The following UVRAG variants were observed in gnomAD, a reference collection of about 807,000 sequenced individuals.
The protein encoded by UVRAG is UV radiation resistance associated.
A neutral mutation model predicts 78.0 loss-of-function variants in UVRAG; 19 were observed. The observed-to-expected ratio is 0.24, with a 90% CI of 0.17 to 0.36. The LOEUF is 0.36. Ranked by LOEUF, UVRAG falls within the 10% of genes least tolerant of loss-of-function variation. UVRAG has a pLI of 1.00. For synonymous variants in UVRAG, 323 were observed against 324.6 expected, an observed-to-expected ratio of 1.00 and a Z score of 0.05; for missense variants, 740 against 853.8, an observed-to-expected ratio of 0.87 and a Z score of 1.66.
At chr11:75,916,932 A>G (rs1218217544) in intron 6 of UVRAG, 1 of 152,212 alleles carries the variant, frequency 6.6e-6, no homozygotes, top group Non-Finnish European at 1.5e-5. Context: ...AGTCTGAAAA[A>G]TACCTCAAGC....
intron 7 of UVRAG, among the ~76,000 whole-genome samples, chr11:75,976,903 T>A (rs1322516956): frequency 6.6e-6 from 1 of 152,234 alleles, no homozygotes; most frequent in African/African-American, 2.4e-5. Flanking sequence ...TTTCTTGCCT[T>A]CTGCTAGCTT....
chr11:75,924,755 T>C (rs1948057846), intron 6 of UVRAG, among the ~76,000 whole-genome samples: 2 of 152,326 alleles, frequency 1.3e-5, no homozygotes, highest in South Asian at 4.1e-4. Flanking sequence ...GACTTACTGA[T>C]AGATCTCATA....
chr11:75,953,911 A>G (rs1948748866), intron 6 of UVRAG, among the ~76,000 whole-genome samples: 1 of 152,152 alleles, frequency 6.6e-6, no homozygotes, highest in Non-Finnish European at 1.5e-5. Context: ...CCACTCACCC[A>G]TATTACTACA....
intron 1 of UVRAG, among the ~76,000 whole-genome samples, chr11:75,818,214 G>A (rs754128238): frequency 1.3e-5 from 2 of 151,880 alleles, no homozygotes; most frequent in African/African-American, 2.4e-5. Context: ...ATCAGTTTTT[G>A]CCTGTTCTTG....
At chr11:75,958,639 G>A (rs184145774) in intron 6 of UVRAG, among the ~76,000 whole-genome samples, 14 of 152,204 alleles carry the variant, frequency 9.2e-5, no homozygotes, top group African/African-American at 3.4e-4. Flanking sequence ...GTTGGAATCA[G>A]CTTCTTCCAA....
intron 1 of UVRAG, among the ~76,000 whole-genome samples, chr11:75,837,932 C>T (rs1224255919): frequency 6.6e-6 from 1 of 152,176 alleles, no homozygotes; most frequent in Non-Finnish European, 1.5e-5. Context: ...AGGAGGGTTG[C>T]TTGAGCCTGA....
intron 12 of UVRAG, 70 bp downstream of exon 12, chr11:76,017,050 A>T: frequency 8.6e-7 from 1 of 1,162,920 alleles, no homozygotes; most frequent in African/African-American, 1.6e-5. Flanking sequence ...ATAACAAAAT[A>T]CATAAAATGT....
Position 76,141,495 on chromosome 11 carries a change from G to A in UVRAG, c.*82G>A, listed in dbSNP as rs982543637. 4 of 1,325,892 alleles carry A rather than the reference G, an allele frequency of 3.0e-6. No homozygotes were observed. Among genetic ancestry groups the A allele is most frequent in the Middle Eastern group, 2.7e-4 (1 of 3,692 alleles). 82.1% of individuals were successfully genotyped at this position (1,325,892 alleles called of 1,614,324 possible). A position where few individuals can be genotyped will look rare whatever the true frequency, so the allele number is the denominator to read the frequency against. On this transcript the variant is annotated 3_prime_UTR_variant, in exon 15 of 15. Coordinates refer to ENST00000356136, the MANE Select transcript of UVRAG (RefSeq NM_003369.4). ...GCTGCACTTAACCCTTTGTGATAATGATGACACAAAATGAATATTAATGGA... is the reference window on the plus strand; with the variant it reads ...GCTGCACTTAACCCTTTGTGATAATAATGACACAAAATGAATATTAATGGA...
chr11:76,079,975 G>A (rs1006388352), intron 13 of UVRAG, among the ~76,000 whole-genome samples: 10 of 152,088 alleles, frequency 6.6e-5, no homozygotes, highest in Non-Finnish European at 1.2e-4. Flanking sequence ...CGGGAAGCTG[G>A]GACGTCTGAG....
At chr11:75,941,988 A>G (rs1948493355) in intron 6 of UVRAG, 1 of 152,198 alleles carries the variant, frequency 6.6e-6, no homozygotes, top group Non-Finnish European at 1.5e-5. Flanking sequence ...CAATGAAAAC[A>G]AATGATAATG....
chr11:75,898,130 A>G (rs1947391024), intron 5 of UVRAG, among the ~76,000 whole-genome samples: 1 of 152,150 alleles, frequency 6.6e-6, no homozygotes, highest in Admixed American at 6.5e-5. Context: ...CGGCCTCCCA[A>G]AGTGCTGGGA....
At position 76,123,913 on chromosome 11, in the gene UVRAG, G is replaced by A. The variant is rs530018627; in HGVS notation, c.1397+7898G>A. On this transcript the variant is annotated intron_variant, in intron 14 of 14. Transcript: ENST00000356136. ...CCCCAGTAGCTGGGATTATAGGCAC[G>A]CACCACCACGCCCAGCTAATTTTTG... 5.3e-5 allele frequency among the ~76,000 whole-genome samples: 8 copies of A among 152,202 alleles called. No individual in the cohort carries two copies. In the East Asian group the frequency reaches 7.7e-4, roughly 15 times the overall value.
chr11:76,139,673 T>C (rs957870284), intron 14 of UVRAG, among the ~76,000 whole-genome samples: 1 of 152,216 alleles, frequency 6.6e-6, no homozygotes, highest in African/African-American at 2.4e-5. Flanking sequence ...TGTCTAGAGC[T>C]AGCATAGTGT....
chr11:76,117,025 A>G (rs1237210060), intron 14 of UVRAG, among the ~76,000 whole-genome samples: 1 of 152,214 alleles, frequency 6.6e-6, no homozygotes, highest in Non-Finnish European at 1.5e-5. Flanking sequence ...ATGGACCCGG[A>G]TGCCTTCAGG....
intron 1 of UVRAG, among the ~76,000 whole-genome samples, chr11:75,824,712 C>A (rs371957841): frequency 7.8e-6 from 1 of 128,276 alleles, no homozygotes; most frequent in South Asian, 2.4e-4. Context: ...CTCACTCTGT[C>A]GCCCAGGCTG....
At chr11:75,928,299 G>T (rs1246011904) in intron 6 of UVRAG, among the ~76,000 whole-genome samples, 1 of 152,150 alleles carries the variant, frequency 6.6e-6, no homozygotes, top group African/African-American at 2.4e-5. Context: ...CAGGAAGAAT[G>T]GCGTCTATCC....
chr11:75,856,830 T>C (rs2134766026), intron 2 of UVRAG, among the ~76,000 whole-genome samples: 1 of 152,298 alleles, frequency 6.6e-6, no homozygotes, highest in Non-Finnish European at 1.5e-5. Context: ...TACAGCTCCA[T>C]TTGGGGTCTA....
chr11:75,952,160 A>C (rs929285679), intron 6 of UVRAG, among the ~76,000 whole-genome samples: 1 of 152,186 alleles, frequency 6.6e-6, no homozygotes, highest in South Asian at 2.1e-4. Flanking sequence ...GAATTTACTC[A>C]TTAGTTCTAG....
intron 6 of UVRAG, among the ~76,000 whole-genome samples, chr11:75,955,772 C>T (rs147564476): frequency 6.6e-6 from 1 of 152,292 alleles, no homozygotes; most frequent in African/African-American, 2.4e-5. Flanking sequence ...TCCTGTAGTC[C>T]AGCTACTCAG....
Sources: allele counts gnomAD v4.1 joint callset (sites outside exome capture counted in the v4.1 genomes callset), GRCh38; gene constraint gnomAD v4.1.1; transcripts MANE v1.5; gene names NCBI Gene and HGNC (gene_info 2026-07-23, HGNC 2026-07-21).